The following USP14 variants were observed in gnomAD, a reference collection of about 807,000 sequenced individuals.
USP14 encodes the protein ubiquitin carboxyl-terminal hydrolase 14.
Under a neutral mutation model 76.5 loss-of-function variants are expected in USP14, and 38 were observed. That is an observed-to-expected ratio of 0.50 (90% CI 0.38 to 0.65). The LOEUF (loss-of-function observed/expected upper bound fraction) is 0.65. USP14 is among the 30% of genes least tolerant of loss of function. The pLI is 0.00. For synonymous variants in USP14, 192 were observed against 191.7 expected (o/e 1.00, Z -0.01); for missense variants, 467 against 586.5 (o/e 0.80, Z 2.10).
chr18:195,946 T>C (rs528261230), intron 6 of USP14, among the ~76,000 whole-genome samples: 1 of 152,120 alleles, frequency 6.6e-6, no homozygotes, highest in Non-Finnish European at 1.5e-5. Flanking sequence ...CTTTGTAAGG[T>C]CTTCTGGTGA....
intron 3 of USP14, among the ~76,000 whole-genome samples, chr18:177,992 ATAATT>A (rs1341277594): frequency 6.6e-6 from 1 of 150,820 alleles, no homozygotes; most frequent in African/African-American, 2.4e-5. Context: ...ATTCACAGAA[ATAATT>A]TTATTAGTGT....
intron 1 of USP14, chr18:163,056 G>A (rs1909167809): frequency 7.0e-6 from 2 of 287,062 alleles, no homozygotes; most frequent in Non-Finnish European, 6.5e-6. Context: ...GATTACAGGC[G>A]TGAGCCACCA....
Position 211,386 on chromosome 18 carries a change from T to C in USP14, c.*102T>C. ...AGGAAGACACATAGGTGGGTTTATG[T>C]TTCACCTCATTTGGAACAAAAGAGG... On this transcript the variant is annotated 3_prime_UTR_variant, in exon 16 of 16. Coordinates refer to ENST00000261601, the MANE Select transcript of USP14 (RefSeq NM_005151.4). 1 of 1,262,590 alleles carries C rather than the reference T, an allele frequency of 7.9e-7. No homozygotes were observed. The allele number at this position is 1,262,590 out of a possible 1,614,324, so 78.2% of individuals were successfully genotyped here. A position where few individuals can be genotyped will look rare whatever the true frequency, so the allele number is the denominator to read the frequency against.
chr18:162,829 G>A (rs550316486), intron 1 of USP14, among the ~76,000 whole-genome samples: 5 of 147,830 alleles, frequency 3.4e-5, no homozygotes, highest in South Asian at 4.3e-4. Context: ...ATGGAGTCTC[G>A]CACTGTCGCC....
rs77382114 is a variant in USP14 at position 187,327 on chromosome 18, A to G, written c.405-5515A>G. Among the ~76,000 whole-genome samples, 134 of 152,310 alleles carry G rather than the reference A, an allele frequency of 8.8e-4. 1 individual carries two copies. In the East Asian group the frequency reaches 0.024, roughly 27 times the overall value. On this transcript the variant is annotated intron_variant, in intron 5 of 15. Transcript: ENST00000261601. ...TTTCGATATGTGTTTGTATTATGCC[A>G]TTTTAACCATCTGGTGTGTAGTAAT...
At chr18:168,687 G>C (rs1489696923) in intron 3 of USP14, among the ~76,000 whole-genome samples, 1 of 151,938 alleles carries the variant, frequency 6.6e-6, no homozygotes, top group Non-Finnish European at 1.5e-5. Context: ...TGCCTGCCTT[G>C]ATCTCCCAAA....
intron 5 of USP14, among the ~76,000 whole-genome samples, chr18:190,709 T>G (rs1395164408): frequency 6.6e-6 from 1 of 152,184 alleles, no homozygotes. Flanking sequence ...TTAATTTTAT[T>G]ATGTTCTGAT....
rs188796430 is a variant in USP14 at position 188,747 on chromosome 18, G to A, written c.405-4095G>A. Among the ~76,000 whole-genome samples the A allele has an allele frequency of 5.5e-3, 837 of 151,528 alleles. 5 individuals carry two copies. Among genetic ancestry groups the A allele is most frequent in the African/African-American group, 0.019 (768 of 41,312 alleles). Reference sequence around the variant, plus strand: ...GGCTGGAGTGCAGTGGCATGATCTCGGCTCACTGCAACCTCCGCCTCCTGG... The same window carrying A: ...GGCTGGAGTGCAGTGGCATGATCTCAGCTCACTGCAACCTCCGCCTCCTGG... On this transcript the variant is annotated intron_variant, in intron 5 of 15. Transcript: ENST00000261601.
chr18:212,535 C>T lies in USP14; in HGVS notation c.*1251C>T, dbSNP rs1910697239. The T allele has an allele frequency of 6.6e-6, 1 of 151,698 alleles. No homozygotes were observed. Among genetic ancestry groups the T allele is most frequent in the African/African-American group, 2.4e-5 (1 of 41,028 alleles). The allele number at this position is 151,698 out of a possible 1,614,324, so 9.4% of individuals were successfully genotyped here. A position where few individuals can be genotyped will look rare whatever the true frequency, so the allele number is the denominator to read the frequency against. ...GGGAGAATTGCTTGAACCTGGAAGG[C>T]AGAAGTTGCAGTGAGCTGAGATCAC... On this transcript the variant is annotated 3_prime_UTR_variant, in exon 16 of 16. Coordinates refer to ENST00000261601, the MANE Select transcript of USP14 (RefSeq NM_005151.4).
In USP14 at chr18:212,664, G is replaced by GTGAT. The variant is rs1264697347; in HGVS notation, c.*1381_*1384dup. ...GTTTCAGAATTTTAGTGATTTTAAA[G>GTGAT]TGATAGTAGAAAATACCAAGCATAT... On this transcript the variant is annotated 3_prime_UTR_variant, in exon 16 of 16. Coordinates refer to ENST00000261601, the MANE Select transcript of USP14 (RefSeq NM_005151.4). 1.3e-5 allele frequency: 2 copies of GTGAT among 151,960 alleles called. No homozygotes were observed. The highest frequency in any genetic ancestry group is 3.9e-4 in the East Asian group (2 of 5,180). 9.4% of individuals were successfully genotyped at this position (151,960 alleles called of 1,614,324 possible). A position where few individuals can be genotyped will look rare whatever the true frequency, so the allele number is the denominator to read the frequency against.
At position 192,040 on chromosome 18, in the gene USP14, A is replaced by G. The variant is rs572249710; in HGVS notation, c.405-802A>G. ...GTGAGGATCATAAAGCTGAAAGTGAATTTAGAAATCATTTAATAGAAGCTT... is the reference window on the plus strand; with the variant it reads ...GTGAGGATCATAAAGCTGAAAGTGAGTTTAGAAATCATTTAATAGAAGCTT... On this transcript the variant is annotated intron_variant, in intron 5 of 15. Coordinates refer to ENST00000261601, the MANE Select transcript of USP14 (RefSeq NM_005151.4). Among the ~76,000 whole-genome samples, 11 of 152,360 alleles carry G rather than the reference A, an allele frequency of 7.2e-5. No individual in the cohort carries two copies. The South Asian group carries it at 2.3e-3, about 32-fold the overall frequency.
chr18:187,777 A>C (rs913399409), intron 5 of USP14, among the ~76,000 whole-genome samples: 2 of 152,148 alleles, frequency 1.3e-5, no homozygotes, highest in African/African-American at 4.8e-5. Flanking sequence ...ACTTTCCCCT[A>C]ATATTGAAAT....
chr18:158,798 C>A, intron 1 of USP14, 84 bp downstream of exon 1: 1 of 1,303,888 alleles, frequency 7.7e-7, no homozygotes, highest in South Asian at 2.3e-5. Context: ...GGCGGGCACC[C>A]GGCATGGACT....
chr18:178,560 G>A (rs1253355526), intron 3 of USP14, among the ~76,000 whole-genome samples: 2 of 152,090 alleles, frequency 1.3e-5, no homozygotes, highest in Non-Finnish European at 2.9e-5. Context: ...CCACAATCAC[G>A]ATTTAGAAGT....
chr18:192,868 G>T lies in USP14; in HGVS notation c.431G>T (p.Gly144Val). 1.2e-6 allele frequency: 2 copies of T among 1,613,708 alleles called. No individual in the cohort carries two copies. The highest frequency in any genetic ancestry group is 1.1e-5 in the South Asian group (1 of 91,026). ...KRYAGALRAS[G>V]EMASAQYITA... is the part of the protein sequence containing the mutation. ...TATGCAGGTGCCTTGAGAGCTTCAG[G>T]GGAAATGGCTTCAGCGCAGTATATT... The change falls in exon 6 of 16, where the codon GGG (glycine) becomes GTG (valine). Residue 144 changes from glycine to valine, a missense_variant. Physicochemically the swap from Gly to Val is moderately radical, Grantham distance 109 (BLOSUM62 -3). Transcript: ENST00000261601.
intron 5 of USP14, among the ~76,000 whole-genome samples, chr18:182,265 C>G (rs1909807644): frequency 6.6e-6 from 1 of 152,134 alleles, no homozygotes; most frequent in Non-Finnish European, 1.5e-5. Flanking sequence ...TAACTTAATT[C>G]TGACTAAATT....
chr18:166,720 T>G, intron 2 of USP14, 67 bp from the exon 3 acceptor site: 2 of 1,442,672 alleles, frequency 1.4e-6, no homozygotes, highest in South Asian at 2.5e-5. Flanking sequence ...TTAAAATAAA[T>G]TGATTATTAG....
At chr18:201,741 T>C (rs1308316168) in intron 10 of USP14, among the ~76,000 whole-genome samples, 2 of 152,194 alleles carry the variant, frequency 1.3e-5, no homozygotes, top group Non-Finnish European at 2.9e-5. Context: ...TGGTATTTTC[T>C]TCACAATTTT....
At chr18:210,173 T>A in intron 14 of USP14, 142 bp downstream of exon 14, 2 of 761,838 alleles carry the variant, frequency 2.6e-6, no homozygotes, top group East Asian at 2.7e-5. Context: ...CTTAATGACA[T>A]ATAGTAAATT....
Sources: gnomAD v4.1 joint callset for allele counts (sites outside exome capture counted in the v4.1 genomes callset) on GRCh38, gnomAD v4.1.1 for gene constraint, MANE v1.5 for transcripts, NCBI Gene and HGNC (gene_info 2026-07-23, HGNC 2026-07-21) for gene names.